Variants in LRFN5 observed in about 807,000 individuals in gnomAD.
LRFN5 encodes the protein leucine rich repeat and fibronectin type III domain containing 5.
Under a neutral mutation model 45.6 loss-of-function variants are expected in LRFN5, and 24 were observed. The ratio of observed to expected loss-of-function variants is 0.53; its 90% CI spans 0.38 to 0.74. The LOEUF is 0.74. Ranked by LOEUF, LRFN5 falls within the 30% of genes least tolerant of loss-of-function variation. LRFN5 has a pLI of 0.00. For synonymous variants in LRFN5, 340 were observed against 313.8 expected (o/e 1.08, Z -0.88); for missense variants, 776 against 861.5 (o/e 0.90, Z 1.24).
At chr14:41,649,728 T>G (rs1489237949) in intron 1 of LRFN5, among the ~76,000 whole-genome samples, 2 of 152,124 alleles carry the variant, frequency 1.3e-5, no homozygotes, top group Non-Finnish European at 2.9e-5. Flanking sequence ...GTTAGGTGGG[T>G]TTAACCAAAA....
intron 2 of LRFN5, among the ~76,000 whole-genome samples, chr14:41,867,175 G>C (rs966497536): frequency 6.6e-6 from 1 of 152,024 alleles, no homozygotes; most frequent in African/African-American, 2.4e-5. Flanking sequence ...TACTGGATAG[G>C]AATATAGACT....
intron 2 of LRFN5, among the ~76,000 whole-genome samples, chr14:41,768,887 A>AT (rs1258276201): frequency 6.6e-6 from 1 of 152,170 alleles, no homozygotes; most frequent in Non-Finnish European, 1.5e-5. Flanking sequence ...AGGCCAAAAG[A>AT]TTTTCTTAAT....
At chr14:41,768,751 T>C (rs1483526974) in intron 2 of LRFN5, among the ~76,000 whole-genome samples, 1 of 152,128 alleles carries the variant, frequency 6.6e-6, no homozygotes, top group Admixed American at 6.5e-5. Flanking sequence ...AGACTTTTTC[T>C]AGATAAAAGC....
At chr14:41,741,950 T>C (rs1884713551) in intron 1 of LRFN5, among the ~76,000 whole-genome samples, 1 of 151,558 alleles carries the variant, frequency 6.6e-6, no homozygotes, top group South Asian at 2.1e-4. Flanking sequence ...GAAATGAAAA[T>C]TGAAACCACA....
chr14:41,709,290 G>A (rs1883191240), intron 1 of LRFN5, among the ~76,000 whole-genome samples: 1 of 151,956 alleles, frequency 6.6e-6, no homozygotes, highest in African/African-American at 2.4e-5. Context: ...TCCTTTGGTT[G>A]TTTCCTAATT....
intron 1 of LRFN5, among the ~76,000 whole-genome samples, chr14:41,723,353 AT>A (rs1883804076): frequency 6.6e-6 from 1 of 152,144 alleles, no homozygotes; most frequent in African/African-American, 2.4e-5. Flanking sequence ...CTGTACCAGG[AT>A]CTCTACACAG....
chr14:41,730,829 T>A (rs924464246), intron 1 of LRFN5, among the ~76,000 whole-genome samples: 22 of 149,060 alleles, frequency 1.5e-4, no homozygotes, highest in Non-Finnish European at 2.5e-4. Flanking sequence ...GATGAGAGTT[T>A]AAAAAAAAAA....
intron 2 of LRFN5, among the ~76,000 whole-genome samples, chr14:41,787,966 A>G (rs890233574): frequency 4.6e-5 from 7 of 151,968 alleles, no homozygotes; most frequent in Non-Finnish European, 8.8e-5. Flanking sequence ...AAGATACCAG[A>G]GGGTTTGCTG....
At chr14:41,700,180 G>A (rs957976397) in intron 1 of LRFN5, 1 of 152,048 alleles carries the variant, frequency 6.6e-6, no homozygotes, top group Non-Finnish European at 1.5e-5. Context: ...ACCACTGTTG[G>A]TAATAGCACA....
chr14:41,748,057 C>G (rs754446617), intron 1 of LRFN5, among the ~76,000 whole-genome samples: 25 of 151,942 alleles, frequency 1.6e-4, no homozygotes, highest in Non-Finnish European at 2.5e-4. Context: ...TTTCTACGCT[C>G]TTGATGTGTT....
chr14:41,637,479 A>C lies in LRFN5; in HGVS notation c.-197+28917A>C, dbSNP rs117565946. Among the ~76,000 whole-genome samples the C allele has an allele frequency of 7.2e-3, 1,094 of 152,190 alleles. 8 individuals are homozygous for C. Among genetic ancestry groups the C allele is most frequent in the Middle Eastern group, 0.024 (7 of 294 alleles). ...TCTTTATTAAATCCAGAATTTTTCT[A>C]TACTAGTGTTGAATTCTTAAAGAGC... On this transcript the variant is annotated intron_variant, in intron 1 of 5. Coordinates refer to ENST00000298119, the MANE Select transcript of LRFN5 (RefSeq NM_152447.5).
intron 1 of LRFN5, chr14:41,699,833 C>T (rs1882765460): frequency 1.3e-5 from 2 of 152,040 alleles, no homozygotes; most frequent in Admixed American, 6.6e-5. Context: ...AATACAATAA[C>T]ATTAGAGTTG....
intron 1 of LRFN5, among the ~76,000 whole-genome samples, chr14:41,660,351 C>A (rs1244279444): frequency 6.6e-6 from 1 of 152,074 alleles, no homozygotes; most frequent in Non-Finnish European, 1.5e-5. Flanking sequence ...ATATCTTAGT[C>A]AGTGCTTCTA....
At chr14:41,729,359 A>G (rs1340535687) in intron 1 of LRFN5, among the ~76,000 whole-genome samples, 1 of 152,074 alleles carries the variant, frequency 6.6e-6, no homozygotes, top group African/African-American at 2.4e-5. Context: ...TTCACCTTCC[A>G]TCATGACTAT....
intron 1 of LRFN5, among the ~76,000 whole-genome samples, chr14:41,710,233 A>T (rs925049850): frequency 1.3e-5 from 2 of 152,160 alleles, no homozygotes; most frequent in African/African-American, 4.8e-5. Context: ...TTTCTTTGGT[A>T]TTAGTATGAA....
chr14:41,899,737 T>C (rs1403570314), intron 5 of LRFN5, among the ~76,000 whole-genome samples: 1 of 152,152 alleles, frequency 6.6e-6, no homozygotes, highest in Non-Finnish European at 1.5e-5. Context: ...TTTTTAACAT[T>C]TTATATTTAA....
At chr14:41,624,664 T>A (rs772892303) in intron 1 of LRFN5, among the ~76,000 whole-genome samples, 14 of 152,092 alleles carry the variant, frequency 9.2e-5, no homozygotes, top group Non-Finnish European at 1.9e-4. Flanking sequence ...TGAAATACTG[T>A]TACTCTACAT....
intron 2 of LRFN5, among the ~76,000 whole-genome samples, chr14:41,802,396 G>T (rs1289244410): frequency 6.6e-6 from 1 of 152,096 alleles, no homozygotes; most frequent in Non-Finnish European, 1.5e-5. Context: ...AGGCCAGGGT[G>T]ATCTAATACT....
chr14:41,805,505 A>G (rs1483588485), intron 2 of LRFN5, among the ~76,000 whole-genome samples: 1 of 151,290 alleles, frequency 6.6e-6, no homozygotes, highest in Non-Finnish European at 1.5e-5. Context: ...TGCTGCACCC[A>G]CTAACTCGTC....
Sources: allele counts gnomAD v4.1 joint callset (sites outside exome capture counted in the v4.1 genomes callset), GRCh38; gene constraint gnomAD v4.1.1; transcripts MANE v1.5; gene names NCBI Gene and HGNC (gene_info 2026-07-23, HGNC 2026-07-21).